Variants in CDC14A observed in about 807,000 individuals in gnomAD.
CDC14A encodes dual specificity protein phosphatase CDC14A.
A neutral mutation model predicts 74.4 loss-of-function variants in CDC14A; 53 were observed. That is an observed-to-expected ratio of 0.71 (90% CI 0.57 to 0.89). CDC14A has a LOEUF of 0.89. Among genes scored for constraint, CDC14A ranks in the 40% least tolerant of loss-of-function variants. The probability of loss-of-function intolerance (pLI) is 0.00; values close to 1 mark genes in which losing one functional copy is unlikely to be tolerated. For missense variants in CDC14A, 646 were observed against 713.7 expected (o/e 0.91, Z 1.08); for synonymous variants, 247 against 258.4 (o/e 0.96, Z 0.43).
chr1:100,430,300 CCAGA>C (rs1317427931), intron 5 of CDC14A, among the ~76,000 whole-genome samples: 3 of 152,108 alleles, frequency 2.0e-5, no homozygotes, highest in Non-Finnish European at 4.4e-5. Context: ...TGTTGTGAGG[CCAGA>C]CAATCTTCTC....
At chr1:100,475,001 C>T (rs558172616) in intron 10 of CDC14A, among the ~76,000 whole-genome samples, 44 of 152,132 alleles carry the variant, frequency 2.9e-4, no homozygotes, top group Admixed American at 3.9e-4. Context: ...CTTTCTCAAC[C>T]CTGTCCTCTT....
At chr1:100,497,093 G>A (rs942286199) in intron 13 of CDC14A, among the ~76,000 whole-genome samples, 1 of 152,164 alleles carries the variant, frequency 6.6e-6, no homozygotes, top group African/African-American at 2.4e-5. Flanking sequence ...ATCAGATGAC[G>A]CAATATGGTA....
At chr1:100,488,647 T>C (rs1360375394) in intron 11 of CDC14A, among the ~76,000 whole-genome samples, 1 of 152,248 alleles carries the variant, frequency 6.6e-6, no homozygotes, top group Non-Finnish European at 1.5e-5. Flanking sequence ...CTTAGTGATA[T>C]TAATTAGATA....
At chr1:100,472,618 A>G (rs1431179415) in intron 10 of CDC14A, among the ~76,000 whole-genome samples, 5 of 151,632 alleles carry the variant, frequency 3.3e-5, no homozygotes, top group Non-Finnish European at 5.9e-5. Context: ...TCTTTTTGAT[A>G]TTGTCTGAGA....
chr1:100,369,583 T>C (rs1654148133), intron 2 of CDC14A, among the ~76,000 whole-genome samples: 2 of 152,328 alleles, frequency 1.3e-5, no homozygotes, highest in Admixed American at 1.3e-4. Flanking sequence ...GGGTTATTTT[T>C]CTCTTGTTCA....
chr1:100,433,315 C>T (rs72730155), intron 5 of CDC14A, among the ~76,000 whole-genome samples: 1,607 of 152,316 alleles, frequency 0.011, 14 homozygotes, highest in Non-Finnish European at 0.019. Flanking sequence ...ATTTTCCCAA[C>T]ACTGTACTAT....
intron 2 of CDC14A, among the ~76,000 whole-genome samples, chr1:100,375,924 T>C (rs1260684006): frequency 6.6e-6 from 1 of 152,056 alleles, no homozygotes; most frequent in Non-Finnish European, 1.5e-5. Flanking sequence ...ATAGACTGGA[T>C]TAAGAAAATG....
At chr1:100,422,763 T>C (rs1267224693) in intron 4 of CDC14A, among the ~76,000 whole-genome samples, 1 of 152,228 alleles carries the variant, frequency 6.6e-6, no homozygotes, top group Non-Finnish European at 1.5e-5. Flanking sequence ...TGGGGTTTTG[T>C]TACTAAAGTT....
chr1:100,370,553 T>C (rs1286006589), intron 2 of CDC14A, among the ~76,000 whole-genome samples: 1 of 152,186 alleles, frequency 6.6e-6, no homozygotes, highest in African/African-American at 2.4e-5. Context: ...CCCAGCACCA[T>C]TTATTGAATA....
chr1:100,514,857 G>A lies in CDC14A; in HGVS notation c.1756-3394G>A, dbSNP rs996291057. On this transcript the variant is annotated intron_variant, in intron 15 of 15. Coordinates refer to ENST00000336454, the MANE Select transcript of CDC14A (RefSeq NM_003672.4). ...TTGTATTTAATCTATTTTTGAATAC[G>A]AAAATCAATAGCAATAATATTGTTC... Among the ~76,000 whole-genome samples, 19 of 152,186 alleles carry A rather than the reference G, an allele frequency of 1.2e-4. 1 individual carries two copies. The highest frequency in any genetic ancestry group is 1.6e-4 in the Non-Finnish European group (11 of 67,996).
Position 100,352,868 on chromosome 1 carries a change from T to G in CDC14A, c.-87T>G. 1.2e-6 allele frequency: 2 copies of G among 1,602,294 alleles called. No individual in the cohort carries two copies. The highest frequency in any genetic ancestry group is 3.4e-5 in the Admixed American group (2 of 58,246). ...TTGTTGTTCGGGACTGTGAGCTTCC[T>G]GGCTCCTGGGCAGTGGGGAAGCCCC... On this transcript the variant is annotated 5_prime_UTR_variant, in exon 1 of 16. Transcript: ENST00000336454.
At chr1:100,412,709 TATATATATATATATTTTATA>T in intron 4 of CDC14A, among the ~76,000 whole-genome samples, 1 of 100,028 alleles carries the variant, frequency 1.0e-5, no homozygotes, top group Non-Finnish European at 1.8e-5. Flanking sequence ...TATATATATA[TATATATATATATATTTTATA>T]TATATATATT....
chr1:100,489,850 T>G (rs1248027557), intron 11 of CDC14A, among the ~76,000 whole-genome samples: 1 of 152,158 alleles, frequency 6.6e-6, no homozygotes, highest in Non-Finnish European at 1.5e-5. Flanking sequence ...TTCAGCAGAT[T>G]CCAGGGAATC....
intron 2 of CDC14A, among the ~76,000 whole-genome samples, chr1:100,372,855 T>C (rs894710559): frequency 3.9e-5 from 6 of 152,198 alleles, no homozygotes; most frequent in Non-Finnish European, 8.8e-5. Flanking sequence ...TTAACCTTCA[T>C]AGAATTGAAG....
At chr1:100,381,590 G>T (rs1656103217) in intron 3 of CDC14A, among the ~76,000 whole-genome samples, 1 of 152,016 alleles carries the variant, frequency 6.6e-6, no homozygotes, top group African/African-American at 2.4e-5. Context: ...TCTCATTTTT[G>T]AAATGAGAAG....
intron 11 of CDC14A, chr1:100,485,124 A>C: frequency 1.0e-6 from 1 of 985,272 alleles, no homozygotes; most frequent in Non-Finnish European, 1.2e-6. Context: ...GTGATTTACT[A>C]AGAATTAGGA....
At chr1:100,487,848 C>G (rs563999148) in intron 11 of CDC14A, among the ~76,000 whole-genome samples, 1 of 152,304 alleles carries the variant, frequency 6.6e-6, no homozygotes, top group African/African-American at 2.4e-5. Flanking sequence ...TCCTGCCTTG[C>G]ACTATACTTT....
intron 5 of CDC14A, 50 bp downstream of exon 5, chr1:100,424,351 A>G: frequency 2.3e-6 from 3 of 1,280,398 alleles, no homozygotes; most frequent in Non-Finnish European, 3.4e-6. Flanking sequence ...AGAGCTGGAC[A>G]CTTTAGAGTT....
intron 7 of CDC14A, among the ~76,000 whole-genome samples, chr1:100,450,619 C>A (rs1354122259): frequency 6.6e-6 from 1 of 152,174 alleles, no homozygotes; most frequent in Non-Finnish European, 1.5e-5. Context: ...TTTAAGGAAG[C>A]AAAATTACTT....
Sources: gnomAD v4.1 joint callset for allele counts (sites outside exome capture counted in the v4.1 genomes callset) on GRCh38, gnomAD v4.1.1 for gene constraint, MANE v1.5 for transcripts, NCBI Gene and HGNC (gene_info 2026-07-23, HGNC 2026-07-21) for gene names.